Variants in DLG2 observed in about 807,000 individuals in gnomAD.
The protein encoded by DLG2 is discs large MAGUK scaffold protein 2, also known as disks large homolog 2.
A neutral mutation model predicts 132.5 loss-of-function variants in DLG2; 45 were observed. The ratio of observed to expected loss-of-function variants is 0.34; its 90% CI spans 0.27 to 0.44. The LOEUF (loss-of-function observed/expected upper bound fraction) is 0.44, where lower values mean the gene tolerates loss of function less well. Among genes scored for constraint, DLG2 ranks in the 20% least tolerant of loss-of-function variants. The probability of loss-of-function intolerance (pLI) is 1.00; values close to 1 mark genes in which losing one functional copy is unlikely to be tolerated. For missense variants in DLG2, 1,045 were observed against 1,196.9 expected (o/e 0.87, Z 1.87); for synonymous variants, 424 against 419.6 (o/e 1.01, Z -0.13).
intron 17 of DLG2, among the ~76,000 whole-genome samples, chr11:83,797,846 C>T (rs928513058): frequency 2.0e-5 from 3 of 152,156 alleles, no homozygotes; most frequent in African/African-American, 7.2e-5. Flanking sequence ...ATGACATAGC[C>T]TCTCAAGGAT....
At chr11:85,462,693 C>G (rs1261092219) in intron 3 of DLG2, among the ~76,000 whole-genome samples, 1 of 151,904 alleles carries the variant, frequency 6.6e-6, no homozygotes, top group Non-Finnish European at 1.5e-5. Context: ...GGAGATATAC[C>G]TAATGTTAAA....
intron 3 of DLG2, among the ~76,000 whole-genome samples, chr11:85,332,630 G>A (rs775782931): frequency 6.6e-6 from 1 of 152,098 alleles, no homozygotes; most frequent in Non-Finnish European, 1.5e-5. Flanking sequence ...GTTCATTCTT[G>A]TATATGGTGA....
intron 7 of DLG2, among the ~76,000 whole-genome samples, chr11:84,307,590 G>T (rs1403578334): frequency 6.6e-6 from 1 of 151,736 alleles, no homozygotes; most frequent in African/African-American, 2.4e-5. Context: ...CAGCTACTCA[G>T]GGCCCTGAGG....
intron 18 of DLG2, among the ~76,000 whole-genome samples, chr11:83,745,620 G>C (rs553893686): frequency 1.1e-4 from 17 of 152,036 alleles, no homozygotes; most frequent in African/African-American, 4.1e-4. Flanking sequence ...TGGCCAATAT[G>C]GTGAAACCCC....
intron 7 of DLG2, among the ~76,000 whole-genome samples, chr11:84,322,211 A>G (rs923612097): frequency 2.0e-5 from 3 of 152,214 alleles, no homozygotes; most frequent in African/African-American, 7.2e-5. Flanking sequence ...GTGTAAAATC[A>G]ATAAATAAGC....
At chr11:84,265,460 G>C (rs2097608942) in intron 7 of DLG2, among the ~76,000 whole-genome samples, 1 of 152,100 alleles carries the variant, frequency 6.6e-6, no homozygotes, top group Admixed American at 6.6e-5. Context: ...TCAAGTAGCT[G>C]AAATTCTGAA....
In DLG2 at chr11:85,481,374, A is replaced by G. The variant is rs143858171; in HGVS notation, c.40+117283T>C. Among the ~76,000 whole-genome samples the G allele has an allele frequency of 2.8e-4, 42 of 152,344 alleles. No individual in the cohort carries two copies. In the East Asian group the frequency reaches 5.8e-3, roughly 21 times the overall value. On this transcript the variant is annotated intron_variant, in intron 3 of 27. Coordinates refer to ENST00000376104, the MANE Select transcript of DLG2 (RefSeq NM_001142699.3). ...ATTGTCCATGCACAAAAATACTTTC[A>G]CAATAGGTAAGGAAACCAAGAGATT...
intron 3 of DLG2, among the ~76,000 whole-genome samples, chr11:85,446,827 T>G (rs1597403958): frequency 7.2e-6 from 1 of 139,694 alleles, no homozygotes; most frequent in Non-Finnish European, 1.6e-5. Flanking sequence ...GTGTGTGTGT[T>G]TATATATTGA....
chr11:85,452,791 A>C, intron 3 of DLG2: 2 of 156,112 alleles, frequency 1.3e-5, no homozygotes. Flanking sequence ...TGAATCTTCA[A>C]CTCCAAGATT....
intron 6 of DLG2, among the ~76,000 whole-genome samples, chr11:84,704,047 T>A (rs951662771): frequency 6.6e-6 from 1 of 151,030 alleles, no homozygotes; most frequent in Non-Finnish European, 1.5e-5. Context: ...TAACTGCCTG[T>A]ATATTTAATT....
chr11:83,675,294 C>T (rs1042268295), intron 18 of DLG2, among the ~76,000 whole-genome samples: 1 of 152,182 alleles, frequency 6.6e-6, no homozygotes, highest in African/African-American at 2.4e-5. Flanking sequence ...ATTTTGTTAA[C>T]AAATATTTTA....
chr11:85,331,901 A>G (rs892939929), intron 3 of DLG2, among the ~76,000 whole-genome samples: 1 of 152,206 alleles, frequency 6.6e-6, no homozygotes, highest in East Asian at 1.9e-4. Context: ...TGTCTTTGCT[A>G]TTATAAATAG....
chr11:84,079,544 A>G (rs997828594), intron 10 of DLG2, among the ~76,000 whole-genome samples: 9 of 152,094 alleles, frequency 5.9e-5, no homozygotes, highest in African/African-American at 2.2e-4. Flanking sequence ...CAGCCTCCCA[A>G]AGTGTTGGGA....
Position 84,416,455 on chromosome 11 carries a change from C to A in DLG2, c.519+118115G>T, listed in dbSNP as rs564391023. Among the ~76,000 whole-genome samples, 10 of 152,248 alleles carry A rather than the reference C, an allele frequency of 6.6e-5. No individual in the cohort carries two copies. In the South Asian group the frequency reaches 1.9e-3, roughly 28 times the overall value. ...GCACAGTAATTTAAAACAACAGTAA[C>A]CAACTCCAAAGAGCATGAATTAGAA... On this transcript the variant is annotated intron_variant, in intron 7 of 27. Transcript: ENST00000376104.
chr11:85,498,612 A>G (rs1285694789), intron 3 of DLG2, among the ~76,000 whole-genome samples: 1 of 152,138 alleles, frequency 6.6e-6, no homozygotes, highest in Admixed American at 6.6e-5. Flanking sequence ...CCCACCCCAA[A>G]TCAACAGAAT....
intron 7 of DLG2, among the ~76,000 whole-genome samples, chr11:84,471,444 T>C (rs1245457669): frequency 6.6e-6 from 1 of 151,878 alleles, no homozygotes; most frequent in Non-Finnish European, 1.5e-5. Flanking sequence ...TGAAATTTAA[T>C]AGCCATTGGC....
intron 15 of DLG2, among the ~76,000 whole-genome samples, chr11:83,890,744 A>G (rs1363447797): frequency 2.0e-5 from 3 of 152,306 alleles, no homozygotes; most frequent in Middle Eastern, 3.4e-3. Context: ...AATTGAAATT[A>G]CTTCCCAGGA....
intron 6 of DLG2, among the ~76,000 whole-genome samples, chr11:84,970,197 C>T (rs575989307): frequency 2.0e-5 from 3 of 152,260 alleles, no homozygotes; most frequent in East Asian, 3.9e-4. Flanking sequence ...AATATACCTT[C>T]TTTCCATTCC....
At chr11:83,632,234 G>C (rs1043834111) in intron 19 of DLG2, 1 of 152,086 alleles carries the variant, frequency 6.6e-6, no homozygotes, top group Non-Finnish European at 1.5e-5. Flanking sequence ...AGCCAAAGTG[G>C]AACCAACAGC....
Sources: allele counts gnomAD v4.1 joint callset (sites outside exome capture counted in the v4.1 genomes callset), GRCh38; gene constraint gnomAD v4.1.1; transcripts MANE v1.5; gene names NCBI Gene and HGNC (gene_info 2026-07-23, HGNC 2026-07-21).